Variants in PACRG observed in about 807,000 individuals in gnomAD.
PACRG encodes parkin coregulated.
A neutral mutation model predicts 29.7 loss-of-function variants in PACRG; 29 were observed. The ratio of observed to expected loss-of-function variants is 0.98; its 90% CI spans 0.73 to 1.33. The LOEUF (loss-of-function observed/expected upper bound fraction) is 1.33, where lower values mean the gene tolerates loss of function less well. Among genes scored for constraint, PACRG ranks in the 40% most tolerant of loss-of-function variants. The pLI is 0.00. For synonymous variants in PACRG, 116 were observed against 118.7 expected (o/e 0.98, Z 0.15); for missense variants, 279 against 316.2 (o/e 0.88, Z 0.89).
intron 4 of PACRG, among the ~76,000 whole-genome samples, chr6:163,279,726 T>C (rs1784164790): frequency 6.6e-6 from 1 of 152,232 alleles, no homozygotes; most frequent in Non-Finnish European, 1.5e-5. Context: ...TAATTTTCAC[T>C]ACTCTTTCCT....
intron 2 of PACRG, among the ~76,000 whole-genome samples, chr6:162,938,230 C>A (rs767166440): frequency 1.3e-5 from 2 of 152,156 alleles, no homozygotes; most frequent in Non-Finnish European, 2.9e-5. Flanking sequence ...GCCATTAATT[C>A]ATTCCTTTTT....
At chr6:163,110,694 T>C (rs1815666024) in intron 4 of PACRG, among the ~76,000 whole-genome samples, 1 of 152,208 alleles carries the variant, frequency 6.6e-6, no homozygotes, top group African/African-American at 2.4e-5. Flanking sequence ...CACCTTCCTC[T>C]AGCAGCCCCT....
chr6:163,161,451 C>T lies in PACRG; in HGVS notation c.613+72043C>T, dbSNP rs78694764. On this transcript the variant is annotated intron_variant, in intron 4 of 4. Coordinates refer to ENST00000366888, the MANE Select transcript of PACRG (RefSeq NM_001080379.2). ...GGGCATTTTGATGTATTCATTTGTT[C>T]AAAGACTGGATGCATTCCTTTGTAC... Among the ~76,000 whole-genome samples the T allele has an allele frequency of 8.8e-4, 134 of 152,252 alleles. 4 individuals are homozygous for T. The East Asian group carries it at 0.022, about 25-fold the overall frequency.
At chr6:162,801,141 CAG>C (rs1424370512) in intron 1 of PACRG, among the ~76,000 whole-genome samples, 2 of 151,962 alleles carry the variant, frequency 1.3e-5, no homozygotes, top group African/African-American at 2.4e-5. Flanking sequence ...TTTTTTGAGG[CAG>C]AGTCTCGCTC....
chr6:163,161,425 AG>A (rs1778551569), intron 4 of PACRG, among the ~76,000 whole-genome samples: 1 of 152,186 alleles, frequency 6.6e-6, no homozygotes, highest in Admixed American at 6.5e-5. Flanking sequence ...ATGCCATATT[AG>A]GGCATTTTGA....
intron 1 of PACRG, among the ~76,000 whole-genome samples, chr6:162,748,385 C>T (rs1387722837): frequency 6.6e-6 from 1 of 152,118 alleles, no homozygotes; most frequent in African/African-American, 2.4e-5. Flanking sequence ...CCCAGCTACT[C>T]GGGAGGCTGA....
chr6:162,781,518 T>G (rs1784089223), intron 1 of PACRG, among the ~76,000 whole-genome samples: 2 of 152,038 alleles, frequency 1.3e-5, no homozygotes, highest in South Asian at 4.1e-4. Flanking sequence ...ATTTTCTGAT[T>G]ATTTAAGTCT....
intron 2 of PACRG, among the ~76,000 whole-genome samples, chr6:162,964,480 C>T (rs557606861): frequency 4.6e-5 from 7 of 152,188 alleles, no homozygotes; most frequent in East Asian, 1.9e-4. Flanking sequence ...AGAGAAGATT[C>T]GAAGTCCTGA....
chr6:163,095,689 T>C (rs1238956254), intron 4 of PACRG, among the ~76,000 whole-genome samples: 1 of 152,068 alleles, frequency 6.6e-6, no homozygotes, highest in Non-Finnish European at 1.5e-5. Flanking sequence ...TGGCCTTTTT[T>C]CCTGTGCGTC....
intron 1 of PACRG, among the ~76,000 whole-genome samples, chr6:162,811,166 G>A (rs954181713): frequency 1.3e-5 from 2 of 152,132 alleles, no homozygotes; most frequent in East Asian, 3.8e-4. Flanking sequence ...ATAGAACCAT[G>A]AACCTTAAAT....
At position 162,904,260 on chromosome 6, in the gene PACRG, C is replaced by T. The variant is rs546799692; in HGVS notation, c.291+89979C>T. ...TTCACAGAAACATCTACATGAATGA[C>T]GCAACAGCTGGGCAACATGGCGCAG... On this transcript the variant is annotated intron_variant, in intron 2 of 4. Transcript: ENST00000366888. 6.6e-5 allele frequency among the ~76,000 whole-genome samples: 10 copies of T among 152,334 alleles called. No homozygotes were observed. The South Asian group carries it at 8.3e-4, about 13-fold the overall frequency.
intron 3 of PACRG, among the ~76,000 whole-genome samples, chr6:163,087,516 G>A (rs1335846116): frequency 6.8e-6 from 1 of 147,604 alleles, no homozygotes; most frequent in African/African-American, 2.5e-5. Context: ...ATGGAAACCA[G>A]GACCAGAGGA....
chr6:162,937,433 C>T (rs1006632916), intron 2 of PACRG, among the ~76,000 whole-genome samples: 54 of 151,934 alleles, frequency 3.6e-4, no homozygotes, highest in African/African-American at 1.1e-3. Context: ...TGAAAGAATG[C>T]GGGAGGATGC....
chr6:162,773,821 T>C (rs558539595), intron 1 of PACRG, among the ~76,000 whole-genome samples: 34 of 152,290 alleles, frequency 2.2e-4, no homozygotes, highest in African/African-American at 8.2e-4. Flanking sequence ...TTTAGGTCTT[T>C]ACAGGAATCA....
At chr6:162,832,791 A>G (rs1328800395) in intron 2 of PACRG, among the ~76,000 whole-genome samples, 1 of 150,280 alleles carries the variant, frequency 6.7e-6, no homozygotes, top group Non-Finnish European at 1.5e-5. Flanking sequence ...CTGAACCTCT[A>G]GCTTCTGCAC....
intron 2 of PACRG, among the ~76,000 whole-genome samples, chr6:163,013,612 G>A (rs185140311): frequency 9.2e-5 from 14 of 152,230 alleles, no homozygotes; most frequent in Admixed American, 9.2e-4. Flanking sequence ...TTGAGGAGCT[G>A]TGCACATCTG....
chr6:162,947,648 A>ATATATATG (rs1799341607), intron 2 of PACRG, among the ~76,000 whole-genome samples: 3 of 51,438 alleles, frequency 5.8e-5, no homozygotes, highest in South Asian at 1.4e-3. Flanking sequence ...ATATATATAT[A>ATATATATG]CACCCAAAGA....
chr6:163,044,079 T>C (rs1042152622), intron 2 of PACRG, among the ~76,000 whole-genome samples: 1 of 151,678 alleles, frequency 6.6e-6, no homozygotes, highest in Non-Finnish European at 1.5e-5. Flanking sequence ...GCTCAGAGAA[T>C]CACGCAAGAT....
intron 3 of PACRG, among the ~76,000 whole-genome samples, chr6:163,085,509 A>G (rs530424186): frequency 1.6e-4 from 25 of 152,264 alleles, no homozygotes; most frequent in African/African-American, 5.3e-4. Context: ...AGCACTTCCA[A>G]ACGATCCCAA....
Sources: allele counts gnomAD v4.1 joint callset (sites outside exome capture counted in the v4.1 genomes callset), GRCh38; gene constraint gnomAD v4.1.1; transcripts MANE v1.5; gene names NCBI Gene and HGNC (gene_info 2026-07-23, HGNC 2026-07-21).